RAD51B: variants seen among roughly 807,000 people sequenced by gnomAD.
RAD51B encodes DNA repair protein RAD51 homolog 2.
Under a neutral mutation model 42.2 loss-of-function variants are expected in RAD51B, and 38 were observed. The ratio of observed to expected loss-of-function variants is 0.90; its 90% CI spans 0.70 to 1.18. The LOEUF (loss-of-function observed/expected upper bound fraction) is 1.18. Ranked by LOEUF, RAD51B falls within the 50% of genes most tolerant of loss-of-function variation. The pLI is 0.00. For missense variants in RAD51B, 373 were observed against 400.7 expected (o/e 0.93, Z 0.59); for synonymous variants, 154 against 145.2 (o/e 1.06, Z -0.43).
intron 10 of RAD51B, chr14:68,468,696 G>C (rs2086047286): frequency 3.2e-6 from 1 of 312,154 alleles, no homozygotes; most frequent in Non-Finnish European, 6.3e-6. Context: ...GGCTCCATGA[G>C]CCCTACTTCC....
intron 7 of RAD51B, among the ~76,000 whole-genome samples, chr14:67,989,856 T>C (rs2140289543): frequency 1.3e-5 from 2 of 152,180 alleles, no homozygotes; most frequent in South Asian, 4.1e-4. Flanking sequence ...CCCTGGATTT[T>C]TCCCAATTTA....
chr14:67,878,107 AT>A (rs1220149039), intron 5 of RAD51B, among the ~76,000 whole-genome samples: 1 of 152,210 alleles, frequency 6.6e-6, no homozygotes, highest in Non-Finnish European at 1.5e-5. Flanking sequence ...TTATGTCAAT[AT>A]CTTTAATCCA....
intron 8 of RAD51B, among the ~76,000 whole-genome samples, chr14:68,294,080 G>T (rs1382322858): frequency 6.6e-6 from 1 of 152,130 alleles, no homozygotes; most frequent in East Asian, 1.9e-4. Flanking sequence ...AGAGTAAACT[G>T]CTTCCTTATT....
chr14:67,943,754 T>G (rs969578384), intron 7 of RAD51B, among the ~76,000 whole-genome samples: 7 of 152,136 alleles, frequency 4.6e-5, no homozygotes, highest in Non-Finnish European at 1.0e-4. Flanking sequence ...TGACTGTACT[T>G]CTCCCCTCTA....
chr14:68,562,988 C>G, intron 10 of RAD51B: 1 of 985,446 alleles, frequency 1.0e-6, no homozygotes, highest in Middle Eastern at 5.2e-4. Context: ...GGGCTGCTGC[C>G]GGTCCCTCCA....
intron 7 of RAD51B, among the ~76,000 whole-genome samples, chr14:67,908,083 A>G (rs767825638): frequency 1.3e-5 from 2 of 152,016 alleles, no homozygotes; most frequent in East Asian, 1.9e-4. Flanking sequence ...TATATTAAGG[A>G]TTTTGTTTTT....
chr14:68,564,123 C>T (rs1041263435), intron 10 of RAD51B, among the ~76,000 whole-genome samples: 4 of 152,134 alleles, frequency 2.6e-5, no homozygotes, highest in African/African-American at 7.2e-5. Flanking sequence ...GGGTGATTTG[C>T]GTCTTTTTGG....
intron 8 of RAD51B, among the ~76,000 whole-genome samples, chr14:68,359,634 C>T (rs1199850232): frequency 1.3e-5 from 2 of 152,182 alleles, no homozygotes; most frequent in African/African-American, 4.8e-5. Context: ...AGAAGCCAGG[C>T]AGAGCTGTGA....
At chr14:68,525,718 TC>T (rs1886881652) in intron 10 of RAD51B, among the ~76,000 whole-genome samples, 1 of 152,090 alleles carries the variant, frequency 6.6e-6, no homozygotes, top group Non-Finnish European at 1.5e-5. Flanking sequence ...ACACCCACAC[TC>T]GCCCCAAATG....
chr14:68,338,677 T>C (rs1235188972), intron 8 of RAD51B: 39 of 258,768 alleles, frequency 1.5e-4, no homozygotes, highest in African/African-American at 8.4e-4. Context: ...TTGAAGGAAA[T>C]TTTGTATTAT....
chr14:68,016,606 C>A (rs1206212890), intron 7 of RAD51B, among the ~76,000 whole-genome samples: 2 of 152,066 alleles, frequency 1.3e-5, no homozygotes, highest in Non-Finnish European at 2.9e-5. Flanking sequence ...TTAGAAAATT[C>A]CTGAAAATTT....
chr14:68,230,272 A>C (rs1437991905), intron 7 of RAD51B, among the ~76,000 whole-genome samples: 1 of 152,210 alleles, frequency 6.6e-6, no homozygotes, highest in Admixed American at 6.5e-5. Context: ...GAAGGTATAG[A>C]GAGTGTGTCA....
chr14:68,628,543 C>G (rs910281600), intron 10 of RAD51B: 5 of 152,246 alleles, frequency 3.3e-5, no homozygotes, highest in African/African-American at 9.7e-5. Context: ...TGCTCCAAAT[C>G]CCCGGCCTGA....
At position 68,493,452 on chromosome 14, in the gene RAD51B, C is replaced by G. The variant is rs141648895; in HGVS notation, c.1036+25202C>G. 6.0e-3 allele frequency among the ~76,000 whole-genome samples: 908 copies of G among 152,272 alleles called. 19 individuals are homozygous for G. Among genetic ancestry groups the G allele is most frequent in the African/African-American group, 0.021 (866 of 41,542 alleles). On this transcript the variant is annotated intron_variant, in intron 10 of 10. Transcript: ENST00000487270. ...AGAATTCCCCCAAGGACCTCATACT[C>G]AGCTTCCACCCTGGCCATACTAAAG...
chr14:67,980,025 T>C (rs921451348), intron 7 of RAD51B, among the ~76,000 whole-genome samples: 1 of 152,208 alleles, frequency 6.6e-6, no homozygotes, highest in African/African-American at 2.4e-5. Context: ...TTGCTTAGCT[T>C]TTAGAATTAA....
chr14:68,328,744 A>T (rs2082292916), intron 8 of RAD51B, among the ~76,000 whole-genome samples: 1 of 152,226 alleles, frequency 6.6e-6, no homozygotes, highest in Non-Finnish European at 1.5e-5. Flanking sequence ...GAATCCAACC[A>T]TAAGAATTTG....
chr14:68,623,864 T>C (rs561794312), intron 10 of RAD51B, among the ~76,000 whole-genome samples: 20 of 152,384 alleles, frequency 1.3e-4, no homozygotes, highest in African/African-American at 4.8e-4. Context: ...TGAGATGTAC[T>C]AGGGAAAGAT....
At chr14:68,408,075 A>C (rs1449906711) in intron 8 of RAD51B, among the ~76,000 whole-genome samples, 1 of 152,188 alleles carries the variant, frequency 6.6e-6, no homozygotes, top group Admixed American at 6.5e-5. Context: ...ACAGCAGCAC[A>C]GACAACAGGC....
chr14:67,983,160 C>A (rs1048137377), intron 7 of RAD51B, among the ~76,000 whole-genome samples: 7 of 152,098 alleles, frequency 4.6e-5, no homozygotes, highest in African/African-American at 1.7e-4. Context: ...TGGATTTTAT[C>A]CCAAGTGAGG....
Sources: gnomAD v4.1 joint callset for allele counts (sites outside exome capture counted in the v4.1 genomes callset) on GRCh38, gnomAD v4.1.1 for gene constraint, MANE v1.5 for transcripts, NCBI Gene and HGNC (gene_info 2026-07-23, HGNC 2026-07-21) for gene names.